Variants in KIAA1328 observed in about 807,000 individuals in gnomAD.
The protein encoded by KIAA1328 is protein hinderin.
Under a neutral mutation model 68.1 loss-of-function variants are expected in KIAA1328, and 52 were observed. That is an observed-to-expected ratio of 0.76 (90% confidence interval 0.61 to 0.96). KIAA1328 has a LOEUF of 0.96. Ranked by LOEUF, KIAA1328 falls within the 40% of genes least tolerant of loss-of-function variation. The probability of loss-of-function intolerance (pLI) is 0.00; values close to 1 mark genes in which losing one functional copy is unlikely to be tolerated. For synonymous variants in KIAA1328, 232 were observed against 239.4 expected, an observed-to-expected ratio of 0.97 and a Z score of 0.28; for missense variants, 641 against 677.6, an observed-to-expected ratio of 0.95 and a Z score of 0.60.
At chr18:37,149,980 A>G (rs560238713) in intron 7 of KIAA1328, among the ~76,000 whole-genome samples, 1 of 152,338 alleles carries the variant, frequency 6.6e-6, no homozygotes, top group East Asian at 1.9e-4. Flanking sequence ...AATGTTGTGA[A>G]CAATTTTTTG....
intron 7 of KIAA1328, among the ~76,000 whole-genome samples, chr18:37,106,024 G>A (rs1337639040): frequency 6.8e-6 from 1 of 148,102 alleles, no homozygotes; most frequent in African/African-American, 2.5e-5. Context: ...TGACCTAGCA[G>A]TCCCACTCCT....
At chr18:36,878,157 G>C (rs2048202757) in intron 4 of KIAA1328, among the ~76,000 whole-genome samples, 1 of 152,172 alleles carries the variant, frequency 6.6e-6, no homozygotes, top group Admixed American at 6.5e-5. Context: ...TGCAGTGGCT[G>C]ATACTGGTTT....
At chr18:37,036,050 AG>A (rs1262093639) in intron 6 of KIAA1328, among the ~76,000 whole-genome samples, 1 of 152,180 alleles carries the variant, frequency 6.6e-6, no homozygotes, top group African/African-American at 2.4e-5. Context: ...TTTAGATTTA[AG>A]AATAGTAGAA....
intron 7 of KIAA1328, among the ~76,000 whole-genome samples, chr18:37,154,077 A>G (rs1277450497): frequency 6.6e-6 from 1 of 152,098 alleles, no homozygotes; most frequent in Admixed American, 6.6e-5. Flanking sequence ...GCCTTTTTCT[A>G]AAAGACTGTT....
rs139766682 is a variant in KIAA1328 at position 37,145,871 on chromosome 18, G to A, written c.1233-14329G>A. On this transcript the variant is annotated intron_variant, in intron 7 of 9. Transcript: ENST00000280020. ...TAAAGTGTTAACTCTTGTGAACAAC[G>A]TGTGATTTTGTTCTGCATTTTTCTC... Among the ~76,000 whole-genome samples the A allele has an allele frequency of 3.9e-4, 60 of 152,058 alleles. No homozygotes were observed. The East Asian group carries it at 5.6e-3, about 14-fold the overall frequency.
chr18:37,072,658 T>TAAATTTAAATGTTAA (rs1824814977), intron 7 of KIAA1328, among the ~76,000 whole-genome samples: 1 of 152,166 alleles, frequency 6.6e-6, no homozygotes, highest in South Asian at 2.1e-4. Flanking sequence ...TTTTAAATGT[T>TAAATTTAAATGTTAA]ACTTTAAGTT....
intron 7 of KIAA1328, among the ~76,000 whole-genome samples, chr18:37,093,113 C>T (rs1374615994): frequency 6.6e-6 from 1 of 152,194 alleles, no homozygotes; most frequent in East Asian, 1.9e-4. Flanking sequence ...AAGCACCCTA[C>T]TCAGCCAACA....
At chr18:37,099,896 AC>A (rs1366290085) in intron 7 of KIAA1328, among the ~76,000 whole-genome samples, 1 of 151,910 alleles carries the variant, frequency 6.6e-6, no homozygotes, top group African/African-American at 2.4e-5. Flanking sequence ...TAGGATTGCA[AC>A]CCCTGCCTTT....
Position 36,887,900 on chromosome 18 carries a change from T to C in KIAA1328, c.448+2228T>C, listed in dbSNP as rs188701061. Among the ~76,000 whole-genome samples the C allele has an allele frequency of 2.6e-3, 399 of 152,292 alleles. 2 individuals are homozygous for C. Among genetic ancestry groups the C allele is most frequent in the Admixed American group, 5.8e-3 (89 of 15,292 alleles). On this transcript the variant is annotated intron_variant, in intron 5 of 9. Transcript: ENST00000280020. ...GTTGGGGAAAGGTGAGAGAGATTGG[T>C]AGTAGACAGTTTAGAAAACCTGGGC...
chr18:36,947,799 C>A (rs1568199705), intron 5 of KIAA1328, among the ~76,000 whole-genome samples: 1 of 152,078 alleles, frequency 6.6e-6, no homozygotes, highest in African/African-American at 2.4e-5. Flanking sequence ...CAAAATATGT[C>A]AAAGAAATAT....
intron 6 of KIAA1328, among the ~76,000 whole-genome samples, chr18:36,983,344 G>A (rs1182991604): frequency 6.6e-6 from 1 of 151,996 alleles, no homozygotes; most frequent in Admixed American, 6.6e-5. Context: ...GGAACACGGA[G>A]TATTACTGGG....
chr18:37,160,640 G>A (rs2059259436), intron 8 of KIAA1328, among the ~76,000 whole-genome samples: 1 of 152,184 alleles, frequency 6.6e-6, no homozygotes, highest in African/African-American at 2.4e-5. Flanking sequence ...TTAGTCAGCA[G>A]TAAGTATGGT....
At chr18:36,960,768 A>T (rs571117033) in intron 6 of KIAA1328, among the ~76,000 whole-genome samples, 3 of 152,316 alleles carry the variant, frequency 2.0e-5, no homozygotes, top group Admixed American at 6.5e-5. Flanking sequence ...AATATCATCA[A>T]CATCAACAAA....
intron 6 of KIAA1328, among the ~76,000 whole-genome samples, chr18:37,056,165 C>G (rs1025005411): frequency 6.6e-6 from 1 of 152,010 alleles, no homozygotes; most frequent in South Asian, 2.1e-4. Flanking sequence ...AAAATCCTGG[C>G]TTATCATAAG....
At chr18:37,095,511 A>G (rs1395163233) in intron 7 of KIAA1328, among the ~76,000 whole-genome samples, 1 of 152,232 alleles carries the variant, frequency 6.6e-6, no homozygotes, top group African/African-American at 2.4e-5. Context: ...TAAGAAGGAT[A>G]TAAATTCTTG....
At chr18:36,885,757 G>A (rs771075289) in intron 5 of KIAA1328, 85 bp downstream of exon 5, 31 of 875,566 alleles carry the variant, frequency 3.5e-5, no homozygotes, top group South Asian at 1.5e-4. Context: ...CGCTCTTGTC[G>A]CCTAGGCTGC....
chr18:37,036,619 CT>C (rs2055037448), intron 6 of KIAA1328, among the ~76,000 whole-genome samples: 1 of 152,200 alleles, frequency 6.6e-6, no homozygotes, highest in Non-Finnish European at 1.5e-5. Flanking sequence ...CTGGTCCATG[CT>C]CACAGCCACC....
At chr18:37,138,229 A>G (rs924918823) in intron 7 of KIAA1328, among the ~76,000 whole-genome samples, 10 of 152,166 alleles carry the variant, frequency 6.6e-5, no homozygotes, top group Non-Finnish European at 8.8e-5. Context: ...GTTACATACT[A>G]TTAATAAGTT....
intron 9 of KIAA1328, among the ~76,000 whole-genome samples, chr18:37,179,135 G>A (rs542865951): frequency 2.6e-5 from 4 of 152,248 alleles, no homozygotes; most frequent in African/African-American, 9.6e-5. Context: ...ATCCAGGAAA[G>A]CATTTTCCTG....
Sources: gnomAD v4.1 joint callset for allele counts (sites outside exome capture counted in the v4.1 genomes callset) on GRCh38, gnomAD v4.1.1 for gene constraint, MANE v1.5 for transcripts, NCBI Gene and HGNC (gene_info 2026-07-23, HGNC 2026-07-21) for gene names.